The following VPS36 variants were observed in gnomAD, a reference collection of about 807,000 sequenced individuals.
VPS36 encodes the protein vacuolar protein-sorting-associated protein 36.
A neutral mutation model predicts 63.5 loss-of-function variants in VPS36; 31 were observed. The ratio of observed to expected loss-of-function variants is 0.49; its 90% confidence interval spans 0.37 to 0.66. The LOEUF (loss-of-function observed/expected upper bound fraction) is 0.66, where lower values mean the gene tolerates loss of function less well. VPS36 is among the 30% of genes least tolerant of loss of function. The probability of loss-of-function intolerance (pLI) is 0.00; values close to 1 mark genes in which losing one functional copy is unlikely to be tolerated. For synonymous variants in VPS36, 138 were observed against 157.2 expected (o/e 0.88, Z 0.91); for missense variants, 338 against 463.7 (o/e 0.73, Z 2.49).
intron 1 of VPS36, chr13:52,450,265 C>A: frequency 8.8e-7 from 1 of 1,134,630 alleles, no homozygotes; most frequent in Non-Finnish European, 1.1e-6. Context: ...TGCTGGGAAC[C>A]GTGCCAAAGT....
intron 5 of VPS36, among the ~76,000 whole-genome samples, chr13:52,434,015 C>A (rs916827889): frequency 6.6e-6 from 1 of 152,156 alleles, no homozygotes; most frequent in Non-Finnish European, 1.5e-5. Context: ...AATTTCCTAT[C>A]ATTTTCCTTC....
At chr13:52,450,012 T>TAA in intron 1 of VPS36, 1 of 986,274 alleles carries the variant, frequency 1.0e-6, no homozygotes, top group Non-Finnish European at 1.2e-6. Context: ...AGGTCCAAGC[T>TAA]AAAGCTTCCG....
At chr13:52,436,533 A>T in intron 3 of VPS36, 129 bp from the exon 4 acceptor site, 1 of 688,360 alleles carries the variant, frequency 1.5e-6, no homozygotes. Context: ...CCCAAAAAGC[A>T]TCCTTTTAAA....
intron 12 of VPS36, 81 bp downstream of exon 12, chr13:52,416,976 G>C: frequency 8.4e-7 from 1 of 1,193,656 alleles, no homozygotes; most frequent in South Asian, 1.4e-5. Flanking sequence ...AAATTCAAAA[G>C]GAAATCCTGT....
intron 6 of VPS36, chr13:52,429,433 C>T: frequency 3.3e-6 from 1 of 306,858 alleles, no homozygotes; most frequent in Non-Finnish European, 4.8e-6. Context: ...CCTCCGTGAC[C>T]TCAACAGAAG....
intron 11 of VPS36, 95 bp from the exon 12 acceptor site, chr13:52,417,236 G>A (rs779412266): frequency 1.0e-6 from 1 of 988,824 alleles, no homozygotes; most frequent in African/African-American, 1.6e-5. Flanking sequence ...TTTATGCCCA[G>A]ATATGAGGGC....
At position 52,433,671 on chromosome 13, in the gene VPS36, G is replaced by A. The variant is rs1189648968; in HGVS notation, c.519C>T (p.Asn173=). Residue 173 remains asparagine (N), a synonymous_variant, in exon 6 of 14, where the codon AAC becomes AAT. Coordinates refer to ENST00000378060, the MANE Select transcript of VPS36 (RefSeq NM_016075.4). ...LEEKRKETDK[N]ISEAFEDLSK... ...AGAATTTAACAGTTACCTCAGAAAT[G>A]TTTTTGTCAGTTTCTTTTCTTTTTT... 6.2e-7 allele frequency: 1 copy of A among 1,612,058 alleles called. No individual in the cohort carries two copies. Among genetic ancestry groups the A allele is most frequent in the Non-Finnish European group, 8.5e-7 (1 of 1,178,862 alleles).
chr13:52,446,533 C>T (rs1255459968), intron 1 of VPS36, among the ~76,000 whole-genome samples: 1 of 152,112 alleles, frequency 6.6e-6, no homozygotes, highest in East Asian at 1.9e-4. Context: ...TTTGCTTACA[C>T]CACTCAGAAC....
At chr13:52,440,137 C>G (rs1594122597) in intron 2 of VPS36, among the ~76,000 whole-genome samples, 1 of 152,068 alleles carries the variant, frequency 6.6e-6, no homozygotes, top group Middle Eastern at 3.4e-3. Flanking sequence ...AGCCACCATG[C>G]CTGGCTCATT....
intron 1 of VPS36, 153 bp downstream of exon 1, chr13:52,450,346 C>G: frequency 3.3e-6 from 4 of 1,201,690 alleles, no homozygotes; most frequent in Non-Finnish European, 4.1e-6. Context: ...AGCGCAAGAG[C>G]GCTGCACCCC....
Position 52,416,215 on chromosome 13 carries a change from G to A in VPS36, c.991-122C>T, listed in dbSNP as rs1181937923. 4 of 933,186 alleles carry A rather than the reference G, an allele frequency of 4.3e-6. No homozygotes were observed. In the East Asian group the frequency reaches 1.0e-4, roughly 24 times the overall value. 57.8% of individuals were successfully genotyped at this position (933,186 alleles called of 1,614,324 possible). ...ATATGCAAGAAATAATTTACTGAAT[G>A]TCCTACTAAAATCCAAAGAACATTC... On this transcript the variant is annotated intron_variant, in intron 12 of 13. Transcript: ENST00000378060.
Position 52,413,245 on chromosome 13 carries a change from A to C in VPS36, c.*2585T>G, listed in dbSNP as rs1310475151. ...GATTAATCTGGTAACAAGGAACAAG[A>C]AAGAGTACATTCATCTGAATATACA... is the stretch of plus-strand genomic sequence containing the variant. On this transcript the variant is annotated 3_prime_UTR_variant, in exon 14 of 14. Transcript: ENST00000378060. The C allele has an allele frequency of 6.6e-6, 1 of 152,274 alleles. No homozygotes were observed. The highest frequency in any genetic ancestry group is 2.4e-5 in the African/African-American group (1 of 41,468). The allele number at this position is 152,274 out of a possible 1,614,324, so 9.4% of individuals were successfully genotyped here. A position where few individuals can be genotyped will look rare whatever the true frequency, so the allele number is the denominator to read the frequency against.
chr13:52,421,205 C>A (rs1302455510), intron 10 of VPS36, among the ~76,000 whole-genome samples: 1 of 152,068 alleles, frequency 6.6e-6, no homozygotes, highest in Non-Finnish European at 1.5e-5. Context: ...GAATAAAATC[C>A]TTTCATTTGC....
intron 6 of VPS36, among the ~76,000 whole-genome samples, chr13:52,432,124 G>T (rs1019732788): frequency 6.6e-6 from 1 of 152,132 alleles, no homozygotes; most frequent in Non-Finnish European, 1.5e-5. Context: ...AGGCCGCGGC[G>T]GCGGATCACG....
At chr13:52,420,716 C>A (rs1378096422) in intron 10 of VPS36, among the ~76,000 whole-genome samples, 2 of 152,170 alleles carry the variant, frequency 1.3e-5, no homozygotes, top group Non-Finnish European at 2.9e-5. Context: ...AGGTGACAGA[C>A]CCCCAATTTC....
intron 3 of VPS36, 86 bp from the exon 4 acceptor site, chr13:52,436,490 A>C (rs1958219694): frequency 2.1e-6 from 2 of 957,136 alleles, no homozygotes; most frequent in Admixed American, 4.9e-5. Flanking sequence ...ATGTATTTCA[A>C]ATCACTTTTA....
At chr13:52,418,379 G>A (rs557663934) in intron 10 of VPS36, among the ~76,000 whole-genome samples, 7 of 151,476 alleles carry the variant, frequency 4.6e-5, no homozygotes, top group East Asian at 1.9e-4. Context: ...ATTCGAGACC[G>A]GCCTGGCCAA....
At chr13:52,423,932 A>G (rs973950491) in intron 9 of VPS36, among the ~76,000 whole-genome samples, 2 of 152,058 alleles carry the variant, frequency 1.3e-5, no homozygotes, top group African/African-American at 4.8e-5. Context: ...ATCTCAGCTC[A>G]CTGCAACCTC....
At chr13:52,417,471 C>G (rs1329979107) in intron 11 of VPS36, among the ~76,000 whole-genome samples, 3 of 152,194 alleles carry the variant, frequency 2.0e-5, no homozygotes, top group Admixed American at 1.3e-4. Flanking sequence ...AGCGATTCTC[C>G]TGCCTCAGCC....
Sources: gnomAD v4.1 joint callset for allele counts (sites outside exome capture counted in the v4.1 genomes callset) on GRCh38, gnomAD v4.1.1 for gene constraint, MANE v1.5 for transcripts, NCBI Gene and HGNC (gene_info 2026-07-23, HGNC 2026-07-21) for gene names.